Variants in MACROH2A1 observed in about 807,000 individuals in gnomAD.
MACROH2A1 encodes the protein macroH2A.1 histone, also known as core histone macro-H2A.1.
MACROH2A1 carries 2 observed loss-of-function variants against 31.6 expected under a neutral mutation model. The observed-to-expected ratio is 0.06, with a 90% CI of 0.03 to 0.20. The LOEUF (loss-of-function observed/expected upper bound fraction) is 0.20. MACROH2A1 is among the 10% of genes least tolerant of loss of function. The pLI is 1.00. For synonymous variants in MACROH2A1, 169 were observed against 189.6 expected, an observed-to-expected ratio of 0.89 and a Z score of 0.89; for missense variants, 230 against 474.0, an observed-to-expected ratio of 0.49 and a Z score of 4.78.
intron 2 of MACROH2A1, among the ~76,000 whole-genome samples, chr5:135,385,412 T>A (rs1395211985): frequency 1.3e-5 from 2 of 152,142 alleles, no homozygotes; most frequent in African/African-American, 4.8e-5. Flanking sequence ...CAGGAAGCCC[T>A]TTGGGGGTGG....
chr5:135,348,805 T>C (rs1761167992), intron 6 of MACROH2A1, among the ~76,000 whole-genome samples: 1 of 152,202 alleles, frequency 6.6e-6, no homozygotes, highest in South Asian at 2.1e-4. Context: ...CTGCTGAGGA[T>C]TTCTGCAGGT....
chr5:135,353,031 G>A lies in MACROH2A1; in HGVS notation c.603C>T (p.His201=). 6.2e-7 allele frequency: 1 copy of A among 1,601,480 alleles called. No individual in the cohort carries two copies. Among genetic ancestry groups the A allele is most frequent in the Non-Finnish European group, 8.6e-7 (1 of 1,168,514 alleles). The part of the protein sequence containing the change: ...LFLGQKLNLI[H]SEISNLAGFE... ...AGCCGGCTAAATTACTGATTTCACTGTGAATAAGGTTCAGCTGCAAAGAAA... is the reference window on the plus strand; with the variant it reads ...AGCCGGCTAAATTACTGATTTCACTATGAATAAGGTTCAGCTGCAAAGAAA... The change falls in exon 6 of 9, where the codon CAC becomes CAT. Residue 201 remains histidine (H), a synonymous_variant. Coordinates refer to ENST00000511689, the MANE Select transcript of MACROH2A1 (RefSeq NM_138610.3).
In MACROH2A1 at chr5:135,398,696, G is replaced by C. The variant is rs1009507497; in HGVS notation, c.-34+366C>G. Among the ~76,000 whole-genome samples the C allele has an allele frequency of 6.6e-6, 1 of 152,200 alleles. No individual in the cohort carries two copies. Among genetic ancestry groups the C allele is most frequent in the South Asian group, 2.1e-4 (1 of 4,834 alleles). On this transcript the variant is annotated intron_variant, in intron 1 of 8. Coordinates refer to ENST00000511689, the MANE Select transcript of MACROH2A1 (RefSeq NM_138610.3). The surrounding 1 kb of genome is among the most constrained non-coding windows in gnomAD (Gnocchi z 4.6). ...GCCCAGACTGCCTAGCCAGCGCCGCGGGGCCTCCTGCGGCCTCGGGCCTGG... is the reference window on the plus strand; with the variant it reads ...GCCCAGACTGCCTAGCCAGCGCCGCCGGGCCTCCTGCGGCCTCGGGCCTGG...
At chr5:135,368,380 G>C (rs983781003) in intron 4 of MACROH2A1, among the ~76,000 whole-genome samples, 3 of 152,264 alleles carry the variant, frequency 2.0e-5, no homozygotes, top group Non-Finnish European at 2.9e-5. Context: ...ACTCAGGTGA[G>C]AGGATTTGGG....
At chr5:135,337,845 C>A in intron 8 of MACROH2A1, 1 of 636,002 alleles carries the variant, frequency 1.6e-6, no homozygotes, top group Non-Finnish European at 2.0e-6. Flanking sequence ...GCCTTGCAAG[C>A]ATTTCAGGGT....
At chr5:135,374,674 T>C (rs1764620198) in intron 2 of MACROH2A1, among the ~76,000 whole-genome samples, 1 of 152,174 alleles carries the variant, frequency 6.6e-6, no homozygotes, top group South Asian at 2.1e-4. Context: ...GAGTCTCTGT[T>C]TTGTCTGTGG....
intron 2 of MACROH2A1, among the ~76,000 whole-genome samples, chr5:135,387,938 T>C (rs547058071): frequency 6.6e-6 from 1 of 150,466 alleles, no homozygotes; most frequent in East Asian, 2.0e-4. Context: ...CAAAAGGATA[T>C]CAGAACCAGC....
intron 2 of MACROH2A1, among the ~76,000 whole-genome samples, chr5:135,377,362 A>C (rs111789248): frequency 0.025 from 3,780 of 152,338 alleles, 182 homozygotes; most frequent in African/African-American, 0.086. Flanking sequence ...GGAAAACCAC[A>C]GCCATTTGTT....
intron 8 of MACROH2A1, among the ~76,000 whole-genome samples, chr5:135,341,550 T>A (rs1759872387): frequency 6.6e-6 from 1 of 152,228 alleles, no homozygotes; most frequent in South Asian, 2.1e-4. Context: ...ACACATGGCC[T>A]TGGCCATAGA....
chr5:135,345,277 TA>T (rs1313124022), intron 7 of MACROH2A1: 1 of 151,860 alleles, frequency 6.6e-6, no homozygotes, highest in East Asian at 1.9e-4. Flanking sequence ...ACAGAGGATT[TA>T]AAAGACACAA....
intron 2 of MACROH2A1, among the ~76,000 whole-genome samples, chr5:135,372,879 T>C (rs1187324551): frequency 6.6e-6 from 1 of 152,192 alleles, no homozygotes; most frequent in South Asian, 2.1e-4. Context: ...TTCCACAACC[T>C]TCCCCTTTTG....
At position 135,370,040 on chromosome 5, in the gene MACROH2A1, T is replaced by C; in HGVS notation, c.275A>G (p.Asn92Ser). The change falls in exon 3 of 9, where the codon AAT becomes AGT. Residue 92 changes from asparagine (N) to serine (S), a missense_variant. This residue lies in a region of MACROH2A1 where 47 missense variants were observed against 154.7 expected (regional missense o/e 0.30). Coordinates refer to ENST00000511689, the MANE Select transcript of MACROH2A1 (RefSeq NM_138610.3). ...GGAGATGGGAGAGGCCCATACCTGA[T>C]TCAGCTCTTCATCATTGGCCACAGC... ...LLAVANDEEL[N>S]QLLKGVTIAS... The C allele has an allele frequency of 6.2e-7, 1 of 1,602,808 alleles. No homozygotes were observed. Among genetic ancestry groups the C allele is most frequent in the East Asian group, 2.2e-5 (1 of 44,824 alleles).
chr5:135,335,019 A>G lies in MACROH2A1; in HGVS notation c.1076T>C (p.Ile359Thr). The G allele has an allele frequency of 6.2e-7, 1 of 1,614,090 alleles. No homozygotes were observed. Among genetic ancestry groups the G allele is most frequent in the Non-Finnish European group, 8.5e-7 (1 of 1,179,948 alleles). The part of the protein sequence containing the change: ...VYFVLFDSES[I>T]GIYVQEMAKL... ...GGCCATTTCCTGCACATAGATGCCT[A>G]TACTCTCGCTGTCAAAAAGCACGAA... The change falls in exon 9 of 9, where the codon ATA becomes ACA. Residue 359 changes from isoleucine (I) to threonine (T), a missense_variant. By Grantham distance (89) the Ile-to-Thr change is moderately conservative. Transcript: ENST00000511689.
chr5:135,360,540 C>T lies in MACROH2A1; in HGVS notation c.545G>A (p.Gly182Asp). 1 of 1,614,012 alleles carries T rather than the reference C, an allele frequency of 6.2e-7. No homozygotes were observed. Among genetic ancestry groups the T allele is most frequent in the Non-Finnish European group, 8.5e-7 (1 of 1,179,870 alleles). ...GCTCTTGGTGGAGAGGACTGTGAAG[C>T]CGTCGGCAGGTGTGCCCTCGGTTGT... ...DSTTEGTPADGFTVLSTKSLF... is the reference protein window; with the variant it reads ...DSTTEGTPADDFTVLSTKSLF... The change falls in exon 5 of 9, where the codon GGC becomes GAC. Residue 182 changes from glycine to aspartate, a missense_variant. Transcript: ENST00000511689.
At chr5:135,363,369 G>A (rs1422465283) in intron 4 of MACROH2A1, among the ~76,000 whole-genome samples, 2 of 152,144 alleles carry the variant, frequency 1.3e-5, no homozygotes, top group East Asian at 1.9e-4. Flanking sequence ...CCCACCCAAC[G>A]GGACAACAGG....
rs1396810364 is a variant in MACROH2A1, at chr5:135,398,522, C to CT, written c.-34+539dup. Among the ~76,000 whole-genome samples, 2 of 152,242 alleles carry CT rather than the reference C, an allele frequency of 1.3e-5. No individual in the cohort carries two copies. The highest frequency in any genetic ancestry group is 2.9e-5 in the Non-Finnish European group (2 of 68,032). Reference sequence around the variant, plus strand: ...CTTCAATCCCGCGAGTAGCCCCCGCCTTCCCCTCCCTGCAGATAGCGAGCC... The same window carrying CT: ...CTTCAATCCCGCGAGTAGCCCCCGCCTTTCCCCTCCCTGCAGATAGCGAGCC... On this transcript the variant is annotated intron_variant, in intron 1 of 8. Coordinates refer to ENST00000511689, the MANE Select transcript of MACROH2A1 (RefSeq NM_138610.3). This position sits in a 1 kb window ranked among gnomAD's most constrained non-coding sequence, Gnocchi z 4.6.
rs768476955 is a variant in MACROH2A1 at position 135,369,092 on chromosome 5, G to A, written c.477+314C>T. ...ACACAGGGAAGCCCCCTTCCCACAG[G>A]TGTGTGCATCTCCCTGGAAGGGCCA... On this transcript the variant is annotated intron_variant, in intron 4 of 8. Transcript: ENST00000511689. This position sits in a 1 kb window ranked among gnomAD's most constrained non-coding sequence, Gnocchi z 4.3. Among the ~76,000 whole-genome samples, 3 of 152,158 alleles carry A rather than the reference G, an allele frequency of 2.0e-5. No individual in the cohort carries two copies. The highest frequency in any genetic ancestry group is 4.8e-5 in the African/African-American group (2 of 41,434).
chr5:135,375,213 T>C (rs1057386466), intron 2 of MACROH2A1, among the ~76,000 whole-genome samples: 2 of 152,250 alleles, frequency 1.3e-5, no homozygotes, highest in Non-Finnish European at 2.9e-5. Flanking sequence ...GGCACCATCA[T>C]CTGTAGTGGC....
At chr5:135,374,255 T>C (rs896597377) in intron 2 of MACROH2A1, among the ~76,000 whole-genome samples, 1 of 152,186 alleles carries the variant, frequency 6.6e-6, no homozygotes, top group African/African-American at 2.4e-5. Context: ...AGGTGCAAAA[T>C]GCCAGCAACT....
Sources: gnomAD v4.1 joint callset for allele counts (sites outside exome capture counted in the v4.1 genomes callset) on GRCh38, gnomAD v4.1.1 for gene constraint, gnomAD v4.1.1 regional missense constraint, Gnocchi (gnomAD v3.1) non-coding constraint, MANE v1.5 for transcripts, NCBI Gene and HGNC (gene_info 2026-07-23, HGNC 2026-07-21) for gene names.